ZNF69: variants seen among roughly 807,000 people sequenced by gnomAD.
ZNF69 encodes the protein zinc finger protein 69.
Under a neutral mutation model 50.9 loss-of-function variants are expected in ZNF69, and 47 were observed. That is an observed-to-expected ratio of 0.92 (90% CI 0.73 to 1.18). The LOEUF (loss-of-function observed/expected upper bound fraction) is 1.18, where lower values mean the gene tolerates loss of function less well. Among genes scored for constraint, ZNF69 ranks in the 50% most tolerant of loss-of-function variants. ZNF69 has a pLI of 0.00. For synonymous variants in ZNF69, 216 were observed against 223.1 expected (o/e 0.97, Z 0.29); for missense variants, 717 against 675.1 (o/e 1.06, Z -0.69).
At chr19:11,948,890 G>T in the ZNF69 span, 8 of 1,604,088 alleles carry the variant, frequency 5.0e-6, no homozygotes, top group Non-Finnish European at 6.8e-6. Flanking sequence ...GCATTTCATA[G>T]TTCTAGTTCC....
At chr19:11,935,765 GATACATAGGTATAAC>G in the ZNF69 span, among the ~76,000 whole-genome samples, 1 of 152,190 alleles carries the variant, frequency 6.6e-6, no homozygotes, top group Non-Finnish European at 1.5e-5. Flanking sequence ...GTGCAGGTTT[GATACATAGGTATAAC>G]ATGTGCCGTG....
chr19:11,904,663 A>C lies in ZNF69; in HGVS notation c.266A>C (p.Lys89Thr), dbSNP rs1306297302. 9 of 1,612,376 alleles carry C rather than the reference A, an allele frequency of 5.6e-6. No homozygotes were observed. Among genetic ancestry groups the C allele is most frequent in the Admixed American group, 1.7e-5 (1 of 59,458 alleles). Reference protein sequence around the residue: ...PRRNFRSLIEKKVNEIKDDSH... With the variant: ...PRRNFRSLIETKVNEIKDDSH... ...ATTTTTGACAGGAGTCTCATAGAAA[A>C]GAAAGTCAATGAAATTAAAGATGAC... The change falls in exon 4 of 4, where the codon AAG becomes ACG. Residue 89 changes from lysine to threonine, a missense_variant. By Grantham distance (78) the Lys-to-Thr change is moderately conservative. Coordinates refer to ENST00000429654, the MANE Select transcript of ZNF69 (RefSeq NM_001364730.1).
chr19:11,927,222 C>T, the ZNF69 span, among the ~76,000 whole-genome samples: 1 of 151,914 alleles, frequency 6.6e-6, no homozygotes, highest in Non-Finnish European at 1.5e-5. Flanking sequence ...GGTGTGGTGG[C>T]CTGCACCTGT....
chr19:11,954,842 A>T, the ZNF69 span, among the ~76,000 whole-genome samples: 9 of 152,056 alleles, frequency 5.9e-5, no homozygotes, highest in African/African-American at 2.2e-4. Flanking sequence ...AACAAAAAAA[A>T]TTGTTCACTT....
chr19:11,978,355 A>G, the ZNF69 span: 34 of 1,614,126 alleles, frequency 2.1e-5, no homozygotes, highest in Middle Eastern at 1.6e-4. Context: ...CCAAAGCCAT[A>G]TAAGTGTCAA....
the ZNF69 span, among the ~76,000 whole-genome samples, chr19:11,974,379 T>C: frequency 1.9e-4 from 29 of 151,496 alleles, no homozygotes; most frequent in East Asian, 5.7e-3. Context: ...GTATTATTAG[T>C]AGAGATGACA....
chr19:11,961,405 A>G, the ZNF69 span, among the ~76,000 whole-genome samples: 4 of 152,188 alleles, frequency 2.6e-5, no homozygotes, highest in Non-Finnish European at 5.9e-5. Flanking sequence ...AACTGAGTCC[A>G]TGGTGTTTTG....
At chr19:11,965,234 C>G in the ZNF69 span, 1 of 1,613,906 alleles carries the variant, frequency 6.2e-7, no homozygotes, top group Non-Finnish European at 8.5e-7. Flanking sequence ...AGCCGGTTGT[C>G]CCGAGACGGG....
the ZNF69 span, among the ~76,000 whole-genome samples, chr19:11,962,483 C>T: frequency 6.6e-6 from 1 of 152,134 alleles, no homozygotes; most frequent in Admixed American, 6.5e-5. Context: ...GCCTTAGCCT[C>T]CCAAGTAGCT....
chr19:11,975,618 G>A, the ZNF69 span, among the ~76,000 whole-genome samples: 2 of 150,446 alleles, frequency 1.3e-5, no homozygotes, highest in Non-Finnish European at 3.0e-5. Flanking sequence ...TCCTGACCTC[G>A]TGATCCGCCC....
chr19:11,899,106 CT>C (rs1972189533), intron 1 of ZNF69, among the ~76,000 whole-genome samples: 1 of 152,160 alleles, frequency 6.6e-6, no homozygotes, highest in African/African-American at 2.4e-5. Context: ...CTATCTCTCC[CT>C]TCCCTCTTTT....
chr19:11,930,718 A>G, the ZNF69 span, among the ~76,000 whole-genome samples: 1 of 148,304 alleles, frequency 6.7e-6, no homozygotes, highest in African/African-American at 2.6e-5. Flanking sequence ...ATAGATGCCC[A>G]GACTGGGTGT....
chr19:11,937,613 C>T, the ZNF69 span, among the ~76,000 whole-genome samples: 4 of 151,604 alleles, frequency 2.6e-5, no homozygotes, highest in South Asian at 2.1e-4. Context: ...CTCAGCCTCC[C>T]GAGTAACTGA....
the ZNF69 span, chr19:11,947,485 A>G: frequency 1.9e-6 from 3 of 1,610,248 alleles, no homozygotes; most frequent in Admixed American, 3.4e-5. Context: ...ATACTGCTTC[A>G]GGACTATTTT....
At chr19:11,931,317 G>C in the ZNF69 span, among the ~76,000 whole-genome samples, 1 of 148,014 alleles carries the variant, frequency 6.8e-6, no homozygotes, top group Non-Finnish European at 1.5e-5. Flanking sequence ...TCTTCTTGTG[G>C]TTTCTTCACA....
rs574789924 is a variant in ZNF69, at chr19:11,911,814, TATA to T, written c.449-1578_449-1576del. 2.5e-3 allele frequency among the ~76,000 whole-genome samples: 377 copies of T among 151,826 alleles called. 2 individuals carry two copies. The highest frequency in any genetic ancestry group is 3.2e-3 in the Non-Finnish European group (220 of 67,916). Reference sequence around the variant, plus strand: ...TGCACATGTACCCTAGAACTTAAAGTATAATAATAATAATAATAAAAGAATGCA... The same window carrying T: ...TGCACATGTACCCTAGAACTTAAAGTATAATAATAATAATAAAAGAATGCA... On this transcript the variant is annotated intron_variant, in intron 4 of 4. Coordinates refer to the ZNF69 transcript ENST00000340180.
At chr19:11,910,510 A>G (rs1416783385), downstream of ZNF69, among the ~76,000 whole-genome samples, 1 of 152,208 alleles carries the variant, frequency 6.6e-6, no homozygotes, top group Non-Finnish European at 1.5e-5. Flanking sequence ...CCTCAGAAAT[A>G]ATACCACACA....
rs560674555 is a variant in ZNF69, at chr19:11,897,341, C to T, written c.64-6232C>T. On this transcript the variant is annotated intron_variant, in intron 1 of 3. Transcript: ENST00000429654. Reference sequence around the variant, plus strand: ...CAGCCTGGGCAACAAGAGTGAAACTCCATCTCAAAAAAATAAAAATAAAAA... The same window carrying T: ...CAGCCTGGGCAACAAGAGTGAAACTTCATCTCAAAAAAATAAAAATAAAAA... Among the ~76,000 whole-genome samples the T allele has an allele frequency of 4.0e-5, 6 of 151,706 alleles. No individual in the cohort carries two copies. The South Asian group carries it at 1.0e-3, about 26-fold the overall frequency.
At chr19:11,934,694 T>C in the ZNF69 span, among the ~76,000 whole-genome samples, 1 of 147,470 alleles carries the variant, frequency 6.8e-6, no homozygotes, top group African/African-American at 2.7e-5. Context: ...TCCTGACCAA[T>C]TTTTGTATTA....
Sources: gnomAD v4.1 joint callset for allele counts (sites outside exome capture counted in the v4.1 genomes callset) on GRCh38, gnomAD v4.1.1 for gene constraint, MANE v1.5 for transcripts, NCBI Gene and HGNC (gene_info 2026-07-23, HGNC 2026-07-21) for gene names.